DOCK1: variants seen among roughly 807,000 people sequenced by gnomAD.
DOCK1 encodes dedicator of cytokinesis 1.
DOCK1 carries 138 observed loss-of-function variants against 262.7 expected under a neutral mutation model. The observed-to-expected ratio is 0.53, with a 90% CI of 0.46 to 0.61. The LOEUF (loss-of-function observed/expected upper bound fraction) is 0.61, where lower values mean the gene tolerates loss of function less well. DOCK1 is among the 20% of genes least tolerant of loss of function. DOCK1 has a pLI of 0.00. For missense variants in DOCK1, 1,908 were observed against 2,370.7 expected, an observed-to-expected ratio of 0.80 and a Z score of 4.05; for synonymous variants, 866 against 867.4, an observed-to-expected ratio of 1.00 and a Z score of 0.03.
rs112409406 is a variant in DOCK1 at position 127,243,624 on chromosome 10, G to A, written c.2848-4384G>A. Among the ~76,000 whole-genome samples the A allele has an allele frequency of 6.6e-5, 10 of 152,284 alleles. 1 individual carries two copies. Among genetic ancestry groups the A allele is most frequent in the African/African-American group, 2.4e-4 (10 of 41,556 alleles). Reference sequence around the variant, plus strand: ...ACACATTTAAAACTGGGGCACTGAGGTACTTCCAGGAGGGCTGGGGGTGTG... The same window carrying A: ...ACACATTTAAAACTGGGGCACTGAGATACTTCCAGGAGGGCTGGGGGTGTG... On this transcript the variant is annotated intron_variant, in intron 27 of 51. Transcript: ENST00000623213.
chr10:127,053,394 T>C (rs1472598606), intron 22 of DOCK1, among the ~76,000 whole-genome samples: 3 of 152,146 alleles, frequency 2.0e-5, no homozygotes, highest in Non-Finnish European at 4.4e-5. Flanking sequence ...CCAAGTGAAA[T>C]TGCCTCACTT....
chr10:127,264,144 A>G (rs765205719), intron 29 of DOCK1, among the ~76,000 whole-genome samples: 3 of 152,198 alleles, frequency 2.0e-5, no homozygotes, highest in Non-Finnish European at 4.4e-5. Flanking sequence ...ACAAAACCTT[A>G]TCCACAGTTG....
At position 127,380,088 on chromosome 10, in the gene DOCK1, T is replaced by A; in HGVS notation, c.3682T>A (p.Tyr1228Asn). The A allele has an allele frequency of 6.6e-7, 1 of 1,523,682 alleles. No homozygotes were observed. The highest frequency in any genetic ancestry group is 8.9e-7 in the Non-Finnish European group (1 of 1,124,488). The allele number at this position is 1,523,682 out of a possible 1,614,324, so 94.4% of individuals were successfully genotyped here. The change falls in exon 36 of 52, where the codon TAC becomes AAC. Residue 1228 changes from tyrosine (Y) to asparagine (N), a missense_variant. Physicochemically the swap from Tyr to Asn is moderately radical, Grantham distance 143 (BLOSUM62 -2). Around this residue, in one of 9 missense-constraint regions of DOCK1, gnomAD observed 267 missense variants for 366.3 expected, o/e 0.73. Coordinates refer to ENST00000623213, the MANE Select transcript of DOCK1 (RefSeq NM_001290223.2). ...MSCTVNVLNFYKEIEREEMYI... is the reference protein window; with the variant it reads ...MSCTVNVLNFNKEIEREEMYI... ...TTATGGTTTAACTTTTCAGAATTTC[T>A]ACAAAGAAATTGAAAGAGAAGAAAT...
At chr10:127,443,736 T>A (rs757940500) in intron 49 of DOCK1, among the ~76,000 whole-genome samples, 1 of 152,172 alleles carries the variant, frequency 6.6e-6, no homozygotes, top group Non-Finnish European at 1.5e-5. Context: ...CTGATCAGCA[T>A]GTAGCTAGTT....
chr10:126,951,852 A>ACT, intron 1 of DOCK1, among the ~76,000 whole-genome samples: 1 of 142,636 alleles, frequency 7.0e-6, no homozygotes, highest in South Asian at 2.3e-4. Context: ...CAGCCTCTTC[A>ACT]TTTTTTTTTT....
At chr10:127,371,010 C>T (rs959921457) in intron 33 of DOCK1, among the ~76,000 whole-genome samples, 3 of 152,214 alleles carry the variant, frequency 2.0e-5, no homozygotes, top group African/African-American at 7.2e-5. Context: ...TTATCCCAGC[C>T]ATAGAGAACC....
At chr10:127,417,563 G>C (rs916203601) in intron 44 of DOCK1, among the ~76,000 whole-genome samples, 1 of 152,140 alleles carries the variant, frequency 6.6e-6, no homozygotes, top group Non-Finnish European at 1.5e-5. Context: ...GACCCCAGGG[G>C]CCATGAGCTC....
chr10:126,955,709 A>G (rs2036678048), intron 1 of DOCK1, among the ~76,000 whole-genome samples: 1 of 152,010 alleles, frequency 6.6e-6, no homozygotes, highest in Non-Finnish European at 1.5e-5. Context: ...CCGCTGTTTT[A>G]TTTAGTGCCT....
intron 27 of DOCK1, chr10:127,153,751 T>C (rs533085220): frequency 2.2e-6 from 2 of 904,974 alleles, no homozygotes; most frequent in East Asian, 2.6e-5. Flanking sequence ...TTTTGTCTGA[T>C]AGAATCATCC....
rs1248182296 is a variant in DOCK1 at position 126,963,632 on chromosome 10, TC to T, written c.47-7067del. The stretch of plus-strand genomic sequence containing the variant: ...TCCCTTCCCTTCCCTTCCCTTCCCT[TC>T]CCTTCCCTCCTTCCTTCCTTCCTTC... On this transcript the variant is annotated intron_variant, in intron 1 of 51. Coordinates refer to ENST00000623213, the MANE Select transcript of DOCK1 (RefSeq NM_001290223.2). Among the ~76,000 whole-genome samples, 46 of 59,804 alleles carry T rather than the reference TC, an allele frequency of 7.7e-4. 1 individual carries two copies. The highest frequency in any genetic ancestry group is 5.1e-3 in the African/African-American group (45 of 8,742). 39.2% of individuals were successfully genotyped at this position (59,804 alleles called of 152,430 possible).
At chr10:126,987,715 T>G (rs1422750126) in intron 5 of DOCK1, 98 bp downstream of exon 5, 1 of 1,101,922 alleles carries the variant, frequency 9.1e-7, no homozygotes, top group African/African-American at 1.6e-5. Flanking sequence ...CAGCGAAACT[T>G]AAAAGCAGAG....
At chr10:126,947,637 T>TTGG (rs1373295558) in intron 1 of DOCK1, among the ~76,000 whole-genome samples, 1 of 66,024 alleles carries the variant, frequency 1.5e-5, no homozygotes, top group Admixed American at 1.4e-4. Flanking sequence ...AGTATTACTG[T>TTGG]TGGTGGTGGT....
chr10:127,076,103 CA>C (rs1292744461), intron 23 of DOCK1, among the ~76,000 whole-genome samples: 10 of 152,122 alleles, frequency 6.6e-5, no homozygotes, highest in Non-Finnish European at 8.8e-5. Context: ...CAGAGGGGTG[CA>C]AAGGTTGAGT....
At position 127,118,024 on chromosome 10, in the gene DOCK1, T is replaced by C. The variant is rs189612808; in HGVS notation, c.2624-7450T>C. Among the ~76,000 whole-genome samples the C allele has an allele frequency of 2.5e-4, 38 of 152,328 alleles. 1 individual carries two copies. The highest frequency in any genetic ancestry group is 2.3e-3 in the South Asian group (11 of 4,814). ...ACACAATATAGGGTTTTGACATATG[T>C]ATTTTATTGTCAGAGCAACCAGGAG... On this transcript the variant is annotated intron_variant, in intron 25 of 51. Transcript: ENST00000623213.
intron 27 of DOCK1, among the ~76,000 whole-genome samples, chr10:127,214,655 A>C (rs998082881): frequency 6.6e-6 from 1 of 152,118 alleles, no homozygotes; most frequent in African/African-American, 2.4e-5. Context: ...GCATTTAGCG[A>C]TCTCCAGGCA....
At chr10:126,942,413 G>T (rs1451260379) in intron 1 of DOCK1, among the ~76,000 whole-genome samples, 1 of 152,138 alleles carries the variant, frequency 6.6e-6, no homozygotes, top group Non-Finnish European at 1.5e-5. Context: ...GTTTCTTTTC[G>T]AGTGGGGTGA....
At chr10:127,156,743 T>C (rs771728294) in intron 27 of DOCK1, among the ~76,000 whole-genome samples, 1 of 151,954 alleles carries the variant, frequency 6.6e-6, no homozygotes, top group Non-Finnish European at 1.5e-5. Context: ...TAATTTTGTA[T>C]TTTTAGTAGA....
At chr10:127,196,598 CGCGGGGCGGAG>C (rs1159824141) in intron 27 of DOCK1, among the ~76,000 whole-genome samples, 2 of 126,086 alleles carry the variant, frequency 1.6e-5, no homozygotes, top group Non-Finnish European at 3.3e-5. Flanking sequence ...CCCCGGGCCC[CGCGGGGCGGAG>C]GTGGGGCGGG....
intron 20 of DOCK1, 125 bp downstream of exon 20, chr10:127,042,839 C>A (rs911022694): frequency 1.9e-6 from 2 of 1,066,920 alleles, no homozygotes; most frequent in Non-Finnish European, 2.8e-6. Context: ...TAAATCCAAT[C>A]AGAGATGAAT....
Sources: gnomAD v4.1 joint callset for allele counts (sites outside exome capture counted in the v4.1 genomes callset) on GRCh38, gnomAD v4.1.1 for gene constraint, gnomAD v4.1.1 regional missense constraint, MANE v1.5 for transcripts, NCBI Gene and HGNC (gene_info 2026-07-23, HGNC 2026-07-21) for gene names.